The following BORCS5 variants were observed in gnomAD, a reference collection of about 807,000 sequenced individuals.
The protein encoded by BORCS5 is BLOC-1-related complex subunit 5.
BORCS5 carries 17 observed loss-of-function variants against 22.1 expected under a neutral mutation model. The ratio of observed to expected loss-of-function variants is 0.77; its 90% CI spans 0.53 to 1.15. BORCS5 has a LOEUF of 1.15. Among genes scored for constraint, BORCS5 ranks in the 50% most tolerant of loss-of-function variants. The pLI, the probability that BORCS5 is intolerant of heterozygous loss-of-function variation, is 0.00. For synonymous variants in BORCS5, 117 were observed against 99.8 expected, an observed-to-expected ratio of 1.17 and a Z score of -1.03; for missense variants, 247 against 253.2, an observed-to-expected ratio of 0.98 and a Z score of 0.17.
chr12:12,448,165 C>T lies in BORCS5; in HGVS notation c.360+12380C>T, dbSNP rs188485737. 2.6e-4 allele frequency among the ~76,000 whole-genome samples: 40 copies of T among 152,276 alleles called. No homozygotes were observed. In the East Asian group the frequency reaches 6.2e-3, roughly 23 times the overall value. On this transcript the variant is annotated intron_variant, in intron 3 of 3. Coordinates refer to ENST00000314565, the MANE Select transcript of BORCS5 (RefSeq NM_058169.6). ...GTCCACCTTCGAAACTCTAAAGCCG[C>T]GCTTCCTTTCCACCTCTTTGTCCAT...
chr12:12,419,351 A>G (rs932181782), intron 2 of BORCS5, among the ~76,000 whole-genome samples: 3 of 152,154 alleles, frequency 2.0e-5, no homozygotes, highest in Admixed American at 6.5e-5. Context: ...AGCTTCATCC[A>G]TGTCCCTGCA....
chr12:12,459,084 C>T (rs572796696), intron 3 of BORCS5, among the ~76,000 whole-genome samples: 137 of 151,514 alleles, frequency 9.0e-4, no homozygotes, highest in Non-Finnish European at 1.6e-3. Context: ...TTAGTAGAGA[C>T]AGGGTTTCTC....
intron 2 of BORCS5, among the ~76,000 whole-genome samples, chr12:12,418,522 C>CA (rs986619717): frequency 3.9e-5 from 6 of 151,930 alleles, no homozygotes; most frequent in Non-Finnish European, 7.4e-5. Flanking sequence ...CCCATCTCTA[C>CA]AAAAAAATTT....
intron 3 of BORCS5, among the ~76,000 whole-genome samples, chr12:12,439,742 C>T (rs947086772): frequency 2.0e-5 from 3 of 152,202 alleles, no homozygotes; most frequent in Non-Finnish European, 4.4e-5. Flanking sequence ...TGAGCAATAC[C>T]TCAGCAGCGT....
intron 3 of BORCS5, among the ~76,000 whole-genome samples, chr12:12,441,712 A>G (rs1054512285): frequency 1.1e-4 from 11 of 99,272 alleles, no homozygotes; most frequent in African/African-American, 6.5e-4. Flanking sequence ...AGGCAAGGCA[A>G]AAAAAAAATT....
Position 12,438,360 on chromosome 12 carries a change from C to CAAA in BORCS5, c.360+2593_360+2595dup, listed in dbSNP as rs57737663. 1.7e-4 allele frequency among the ~76,000 whole-genome samples: 4 copies of CAAA among 23,798 alleles called. 1 individual carries two copies. The highest frequency in any genetic ancestry group is 1.0e-3 in the African/African-American group (3 of 2,882). 15.6% of individuals were successfully genotyped at this position (23,798 alleles called of 152,430 possible). ...AGGGCGACAGAGCCAGATTTCATCT[C>CAAA]AAAAAAAAAAAAAAAAAAAACGAAA... On this transcript the variant is annotated intron_variant, in intron 3 of 3. Coordinates refer to ENST00000314565, the MANE Select transcript of BORCS5 (RefSeq NM_058169.6).
At position 12,416,492 on chromosome 12, in the gene BORCS5, A is replaced by G. The variant is rs377277199; in HGVS notation, c.203-19136A>G. On this transcript the variant is annotated intron_variant, in intron 2 of 3. Coordinates refer to ENST00000314565, the MANE Select transcript of BORCS5 (RefSeq NM_058169.6). ...TGGGTATCACTCTGTTGCCAAGGCT[A>G]GAGTGCAGTGGTGCAATCATAGCTC... Among the ~76,000 whole-genome samples, 28 of 152,090 alleles carry G rather than the reference A, an allele frequency of 1.8e-4. No homozygotes were observed. The East Asian group carries it at 3.9e-3, about 21-fold the overall frequency.
intron 2 of BORCS5, among the ~76,000 whole-genome samples, chr12:12,423,151 G>A (rs1173591910): frequency 2.6e-5 from 4 of 152,058 alleles, no homozygotes; most frequent in Admixed American, 6.5e-5. Flanking sequence ...AAAGGCGCCC[G>A]CCACCACGCC....
intron 1 of BORCS5, among the ~76,000 whole-genome samples, chr12:12,360,721 TTTTG>T (rs550437545): frequency 3.2e-4 from 48 of 150,050 alleles, no homozygotes; most frequent in African/African-American, 9.5e-4. Context: ...GAGGTGGCGT[TTTTG>T]TTTGTTTGTT....
chr12:12,468,207 C>T lies in BORCS5; in HGVS notation c.*2431C>T, dbSNP rs1253165578. ...GCTCAAACCGCTTTCACAATCCTCT[C>T]TTTCTACATCATTCCTAGTGGTTCT... is the stretch of plus-strand genomic sequence containing the variant. On this transcript the variant is annotated 3_prime_UTR_variant, in exon 4 of 4. Transcript: ENST00000314565. The T allele has an allele frequency of 6.6e-6, 1 of 152,336 alleles. No individual in the cohort carries two copies. The highest frequency in any genetic ancestry group is 2.1e-4 in the South Asian group (1 of 4,826). The allele number at this position is 152,336 out of a possible 1,614,324, so 9.4% of individuals were successfully genotyped here. A position where few individuals can be genotyped will look rare whatever the true frequency, so the allele number is the denominator to read the frequency against.
chr12:12,381,682 G>A (rs941592783), intron 2 of BORCS5, among the ~76,000 whole-genome samples: 2 of 151,324 alleles, frequency 1.3e-5, no homozygotes, highest in African/African-American at 4.9e-5. Flanking sequence ...TTACATTTAG[G>A]TCTGCGATCC....
At chr12:12,435,150 C>T (rs780167595) in intron 2 of BORCS5, among the ~76,000 whole-genome samples, 18 of 152,280 alleles carry the variant, frequency 1.2e-4, no homozygotes, top group Non-Finnish European at 2.5e-4. Flanking sequence ...CTAGCAGTTT[C>T]TGTATACATT....
chr12:12,445,187 G>T (rs765048557), intron 3 of BORCS5, among the ~76,000 whole-genome samples: 3 of 152,022 alleles, frequency 2.0e-5, no homozygotes, highest in Non-Finnish European at 2.9e-5. Context: ...AGGACTACAG[G>T]TGTGCCACCT....
intron 2 of BORCS5, among the ~76,000 whole-genome samples, chr12:12,416,779 C>CTTTTTT (rs36106735): frequency 1.8e-5 from 2 of 112,216 alleles, no homozygotes; most frequent in African/African-American, 3.2e-5. Context: ...TTAATGTAAA[C>CTTTTTT]TTTTTTTTTT....
chr12:12,380,543 C>G (rs1485237108), intron 2 of BORCS5, among the ~76,000 whole-genome samples: 3 of 151,538 alleles, frequency 2.0e-5, no homozygotes, highest in African/African-American at 7.3e-5. Context: ...AGTCTGACTT[C>G]CAGTTTTTGC....
intron 2 of BORCS5, among the ~76,000 whole-genome samples, chr12:12,419,112 GTA>G (rs1942047871): frequency 2.0e-5 from 3 of 152,140 alleles, no homozygotes; most frequent in Admixed American, 1.3e-4. Flanking sequence ...TGATAAATAG[GTA>G]TATATGTGCC....
chr12:12,362,636 CTTTTTTTT>C (rs71436712), intron 2 of BORCS5, among the ~76,000 whole-genome samples: 1 of 57,554 alleles, frequency 1.7e-5, no homozygotes, highest in African/African-American at 5.5e-5. Flanking sequence ...TGTTACTCAT[CTTTTTTTT>C]TTTTTTTTTT....
At chr12:12,391,704 G>A (rs895978752) in intron 2 of BORCS5, among the ~76,000 whole-genome samples, 2 of 151,182 alleles carry the variant, frequency 1.3e-5, no homozygotes, top group Admixed American at 1.3e-4. Flanking sequence ...GATCTTAACA[G>A]ACTGAAAAGA....
rs140916578 is a variant in BORCS5 at position 12,413,108 on chromosome 12, CTTTTTTT to C, written c.203-22507_203-22501del. On this transcript the variant is annotated intron_variant, in intron 2 of 3. Coordinates refer to ENST00000314565, the MANE Select transcript of BORCS5 (RefSeq NM_058169.6). ...TTGAGATTGGGGATTGGTGATGACT[CTTTTTTT>C]TTTTTTTTTTTTATTGATCATTCTT... Among the ~76,000 whole-genome samples the C allele has an allele frequency of 2.9e-4, 6 of 20,716 alleles. 1 individual carries two copies. Among genetic ancestry groups the C allele is most frequent in the African/African-American group, 9.9e-4 (5 of 5,062 alleles). The allele number at this position is 20,716 out of a possible 152,430, so 13.6% of individuals were successfully genotyped here.
Sources: gnomAD v4.1 joint callset for allele counts (sites outside exome capture counted in the v4.1 genomes callset) on GRCh38, gnomAD v4.1.1 for gene constraint, MANE v1.5 for transcripts, NCBI Gene and HGNC (gene_info 2026-07-23, HGNC 2026-07-21) for gene names.